The following FOCAD variants were observed in gnomAD, a reference collection of about 807,000 sequenced individuals.
FOCAD encodes the protein KIAA1797.
In FOCAD, 198 loss-of-function variants were observed where a neutral mutation model predicts 225.6. That is an observed-to-expected ratio of 0.88 (90% confidence interval 0.78 to 0.99). FOCAD has a LOEUF of 0.99. Ranked by LOEUF, FOCAD falls within the 50% of genes least tolerant of loss-of-function variation. The pLI is 0.00. For missense variants in FOCAD, 2,713 were observed against 2,123.6 expected, an observed-to-expected ratio of 1.28 and a Z score of -5.46; for synonymous variants, 897 against 755.0, an observed-to-expected ratio of 1.19 and a Z score of -3.08.
intron 5 of FOCAD, among the ~76,000 whole-genome samples, chr9:20,754,606 C>G (rs936078720): frequency 6.6e-6 from 1 of 151,680 alleles, no homozygotes; most frequent in African/African-American, 2.4e-5. Flanking sequence ...GATGTGCCTT[C>G]CATAGTGCTT....
At chr9:20,929,218 AT>A (rs1835235333) in intron 26 of FOCAD, 139 bp from the exon 27 acceptor site, 3 of 642,352 alleles carry the variant, frequency 4.7e-6, no homozygotes, top group Non-Finnish European at 8.2e-6. Context: ...AAACGTTTGG[AT>A]TTTTAAAAAA....
chr9:20,886,138 C>T (rs931231970), intron 21 of FOCAD, among the ~76,000 whole-genome samples: 4 of 152,222 alleles, frequency 2.6e-5, no homozygotes, highest in Non-Finnish European at 5.9e-5. Flanking sequence ...TTTCAAGACC[C>T]ATCTTTGTCC....
At chr9:20,742,698 C>T (rs530282153) in intron 5 of FOCAD, among the ~76,000 whole-genome samples, 1 of 152,270 alleles carries the variant, frequency 6.6e-6, no homozygotes, top group South Asian at 2.1e-4. Context: ...TTGTCTTCAC[C>T]GTGTGCAATT....
At chr9:20,688,306 A>G (rs536008140) in intron 1 of FOCAD, among the ~76,000 whole-genome samples, 1 of 152,324 alleles carries the variant, frequency 6.6e-6, no homozygotes, top group East Asian at 1.9e-4. Flanking sequence ...AAGAGGATGA[A>G]TTCCAGATAT....
chr9:20,705,098 G>T (rs926927627), intron 1 of FOCAD, among the ~76,000 whole-genome samples: 2 of 152,108 alleles, frequency 1.3e-5, no homozygotes, highest in Non-Finnish European at 2.9e-5. Flanking sequence ...AACTATCTCC[G>T]GGTTACTGTG....
chr9:20,844,091 T>C (rs116630378), intron 15 of FOCAD, among the ~76,000 whole-genome samples: 1 of 152,092 alleles, frequency 6.6e-6, no homozygotes, highest in Non-Finnish European at 1.5e-5. Flanking sequence ...TTTCTAGGAA[T>C]GTACCCAAGA....
intron 2 of FOCAD, among the ~76,000 whole-genome samples, chr9:20,672,987 G>A (rs1007620767): frequency 2.6e-5 from 4 of 152,152 alleles, no homozygotes; most frequent in African/African-American, 9.7e-5. Flanking sequence ...CATTTTGGAA[G>A]CCAATGGACA....
chr9:20,915,811 G>A (rs1833821232), intron 23 of FOCAD, among the ~76,000 whole-genome samples: 2 of 152,210 alleles, frequency 1.3e-5, no homozygotes, highest in African/African-American at 4.8e-5. Flanking sequence ...TAGAGAGGTA[G>A]CTTTAGTGCA....
In FOCAD at chr9:20,967,562, C is replaced by T. The variant is rs915573727; in HGVS notation, c.4133-8858C>T. Among the ~76,000 whole-genome samples, 10 of 152,064 alleles carry T rather than the reference C, an allele frequency of 6.6e-5. No individual in the cohort carries two copies. In the East Asian group the frequency reaches 1.9e-3, roughly 29 times the overall value. On this transcript the variant is annotated intron_variant, in intron 35 of 43. Transcript: ENST00000338382. ...AGTACAAAGTGGTGAAACTGGGAAT[C>T]CTGTCTTGTTCTTGATTGTAGAGAA...
At chr9:20,975,266 T>C (rs1840130680) in intron 35 of FOCAD, among the ~76,000 whole-genome samples, 1 of 152,186 alleles carries the variant, frequency 6.6e-6, no homozygotes, top group Admixed American at 6.6e-5. Flanking sequence ...ATGTTTGCAC[T>C]CACAAATGCT....
At chr9:20,745,894 G>A (rs1483954966) in intron 5 of FOCAD, among the ~76,000 whole-genome samples, 4 of 152,148 alleles carry the variant, frequency 2.6e-5, no homozygotes, top group Non-Finnish European at 4.4e-5. Flanking sequence ...GTAGATTAAA[G>A]TTATGTGCTC....
In FOCAD at chr9:20,948,345, C is replaced by G; in HGVS notation, c.3750C>G (p.Asp1250Glu). 1.2e-6 allele frequency: 2 copies of G among 1,612,454 alleles called. No homozygotes were observed. Among genetic ancestry groups the G allele is most frequent in the Non-Finnish European group, 1.7e-6 (2 of 1,178,952 alleles). Residue 1250 changes from aspartate (D) to glutamate (E), a missense_variant, in exon 31 of 44, where the codon GAC becomes GAG. Coordinates refer to ENST00000338382, the MANE Select transcript of FOCAD (RefSeq NM_001375567.1). The part of the protein sequence containing the change: ...LSVCGHGKAE[D>E]LGSKLLPAWI... ...TGTGTGGACATGGAAAAGCTGAAGA[C>G]TTGGGCAGCAAACTACTCCCTGCCT...
At chr9:20,918,730 A>G (rs1176047181) in intron 24 of FOCAD, among the ~76,000 whole-genome samples, 1 of 152,200 alleles carries the variant, frequency 6.6e-6, no homozygotes, top group Middle Eastern at 3.2e-3. Context: ...TCTCAAAAAA[A>G]AAAAAAAAAC....
chr9:20,926,571 G>A (rs570739828), intron 26 of FOCAD, among the ~76,000 whole-genome samples, 154 bp downstream of exon 26: 7 of 152,206 alleles, frequency 4.6e-5, no homozygotes, highest in Admixed American at 2.6e-4. Flanking sequence ...ATCACCTGAG[G>A]TTGGGAGTTC....
Position 20,781,744 on chromosome 9 carries a change from G to A in FOCAD, c.1012G>A (p.Val338Ile). ...ATGAATAGCTTTGAAGCTCCTCTCT[G>A]TTACTGAGGATCAGAAAATCCCAAA... is the stretch of plus-strand genomic sequence containing the variant. ...ILNLALKLLS[V>I]TEDQKIPKSS... Residue 338 changes from valine to isoleucine, a missense_variant, in exon 10 of 44, where the codon GTT becomes ATT. Coordinates refer to ENST00000338382, the MANE Select transcript of FOCAD (RefSeq NM_001375567.1). The A allele has an allele frequency of 6.2e-7, 1 of 1,613,656 alleles. No homozygotes were observed. The highest frequency in any genetic ancestry group is 2.2e-5 in the East Asian group (1 of 44,866).
chr9:20,658,621 C>G (rs1056233921), intron 1 of FOCAD: 1 of 153,786 alleles, frequency 6.5e-6, no homozygotes, highest in African/African-American at 2.4e-5. Context: ...GAGGCAATGC[C>G]TCGCCCTGCT....
rs374317614 is a variant in FOCAD, at chr9:20,736,464, A to G, written c.288-3772A>G. Among the ~76,000 whole-genome samples, 11 of 152,306 alleles carry G rather than the reference A, an allele frequency of 7.2e-5. No homozygotes were observed. The East Asian group carries it at 1.2e-3, about 16-fold the overall frequency. On this transcript the variant is annotated intron_variant, in intron 4 of 43. Transcript: ENST00000338382. ...AATAATTTTCATTTTGCAGGAGTAG[A>G]TCTCAGATCCAGAATAACAAAGACT...
rs1026929345 is a variant in FOCAD at position 20,756,222 on chromosome 9, C to T, written c.393-1868C>T. 2.0e-5 allele frequency among the ~76,000 whole-genome samples: 3 copies of T among 152,034 alleles called. No individual in the cohort carries two copies. The East Asian group carries it at 5.8e-4, about 29-fold the overall frequency. ...TAGCAATGGTAGCATTCCCGTCAGTCAGAAATAGCCTGTGCTTTAGCAAGC... is the reference window on the plus strand; with the variant it reads ...TAGCAATGGTAGCATTCCCGTCAGTTAGAAATAGCCTGTGCTTTAGCAAGC... On this transcript the variant is annotated intron_variant, in intron 5 of 43. Transcript: ENST00000338382.
intron 3 of FOCAD, 40 bp downstream of exon 3, chr9:20,717,908 G>T (rs1439612627): frequency 6.7e-7 from 1 of 1,495,344 alleles, no homozygotes; most frequent in Non-Finnish European, 9.3e-7. Flanking sequence ...CTTCAGATAA[G>T]ATTGCTACTA....
Sources: allele counts gnomAD v4.1 joint callset (sites outside exome capture counted in the v4.1 genomes callset), GRCh38; gene constraint gnomAD v4.1.1; transcripts MANE v1.5; gene names NCBI Gene and HGNC (gene_info 2026-07-23, HGNC 2026-07-21).